PPP1R9A: variants seen among roughly 807,000 people sequenced by gnomAD.
PPP1R9A encodes protein phosphatase 1 regulatory subunit 9A, also known as neurabin-1.
A neutral mutation model predicts 141.9 loss-of-function variants in PPP1R9A; 59 were observed. The observed-to-expected ratio is 0.42, with a 90% CI of 0.34 to 0.52. The LOEUF is 0.52. PPP1R9A is among the 20% of genes least tolerant of loss of function. The pLI, the probability that PPP1R9A is intolerant of heterozygous loss-of-function variation, is 0.10. For synonymous variants in PPP1R9A, 500 were observed against 569.7 expected (o/e 0.88, Z 1.74); for missense variants, 1,444 against 1,611.9 (o/e 0.90, Z 1.78).
chr7:95,082,806 C>CT lies in PPP1R9A; in HGVS notation c.1396-28452dup, dbSNP rs1323253007. 5.8e-4 allele frequency among the ~76,000 whole-genome samples: 74 copies of CT among 127,308 alleles called. 1 individual carries two copies. The highest frequency in any genetic ancestry group is 1.7e-4 in the Non-Finnish European group (11 of 64,426). 83.5% of individuals were successfully genotyped at this position (127,308 alleles called of 152,430 possible). A position where few individuals can be genotyped will look rare whatever the true frequency, so the allele number is the denominator to read the frequency against. Reference sequence around the variant, plus strand: ...TTTTTTTTTGAGACGGAGTCTTGCTCTGTTGCCCAGGCGAACTCGGCTCAC... The same window carrying CT: ...TTTTTTTTTGAGACGGAGTCTTGCTCTTGTTGCCCAGGCGAACTCGGCTCAC... On this transcript the variant is annotated intron_variant, in intron 2 of 19. Transcript: ENST00000433360.
chr7:94,919,337 G>T, intron 2 of PPP1R9A, among the ~76,000 whole-genome samples: 1 of 141,282 alleles, frequency 7.1e-6, no homozygotes, highest in Non-Finnish European at 1.5e-5. Context: ...TAGATTCAGG[G>T]TCTTGCTATA....
chr7:95,215,732 G>A (rs188521986), intron 7 of PPP1R9A, among the ~76,000 whole-genome samples: 1 of 152,292 alleles, frequency 6.6e-6, no homozygotes, highest in South Asian at 2.1e-4. Context: ...GTGATGATGA[G>A]CATTTTTTCA....
At chr7:95,220,864 T>C (rs551267337) in intron 7 of PPP1R9A, among the ~76,000 whole-genome samples, 26 of 152,176 alleles carry the variant, frequency 1.7e-4, no homozygotes, top group African/African-American at 5.8e-4. Flanking sequence ...TTATTCATCT[T>C]GAATCCTTGG....
intron 5 of PPP1R9A, among the ~76,000 whole-genome samples, chr7:95,176,137 G>C (rs1387637361): frequency 6.6e-6 from 1 of 152,036 alleles, no homozygotes; most frequent in Non-Finnish European, 1.5e-5. Flanking sequence ...TATTTTGCTA[G>C]TATCCATGGC....
chr7:95,111,230 A>G (rs765857803), intron 2 of PPP1R9A, 29 bp from the exon 3 acceptor site: 21 of 1,468,450 alleles, frequency 1.4e-5, no homozygotes, highest in Middle Eastern at 1.9e-4. Flanking sequence ...TTTTTTCTGT[A>G]TTATCATCTT....
At chr7:94,950,030 A>T (rs1796304211) in intron 2 of PPP1R9A, among the ~76,000 whole-genome samples, 1 of 151,586 alleles carries the variant, frequency 6.6e-6, no homozygotes, top group Non-Finnish European at 1.5e-5. Flanking sequence ...ATTATGAAGG[A>T]TCCCAAAAAC....
chr7:95,212,840 T>G (rs1044681685), intron 7 of PPP1R9A, among the ~76,000 whole-genome samples: 6 of 152,182 alleles, frequency 3.9e-5, no homozygotes, highest in Admixed American at 3.9e-4. Flanking sequence ...TCCTGATGGT[T>G]TATGGGATTT....
chr7:94,986,782 T>C (rs1173551426), intron 2 of PPP1R9A, among the ~76,000 whole-genome samples: 1 of 152,236 alleles, frequency 6.6e-6, no homozygotes, highest in Non-Finnish European at 1.5e-5. Flanking sequence ...AGAAATAGAT[T>C]TATGATTTTG....
In PPP1R9A at chr7:95,222,039, C is replaced by G. The variant is rs10215400; in HGVS notation, c.1957-3922C>G. On this transcript the variant is annotated intron_variant, in intron 7 of 19. Coordinates refer to ENST00000433360, the MANE Select transcript of PPP1R9A (RefSeq NM_001166160.2). The stretch of plus-strand genomic sequence containing the variant: ...GCAATTAACCCACAAGTACTGCTCC[C>G]GATTCTTTCAAAGGGGAATTCTATA... 6.7e-3 allele frequency among the ~76,000 whole-genome samples: 1,021 copies of G among 152,086 alleles called. 12 individuals are homozygous for G. The highest frequency in any genetic ancestry group is 0.024 in the African/African-American group (984 of 41,518).
chr7:94,991,363 A>G (rs1801486344), intron 2 of PPP1R9A, among the ~76,000 whole-genome samples: 1 of 152,076 alleles, frequency 6.6e-6, no homozygotes, highest in Non-Finnish European at 1.5e-5. Flanking sequence ...GCCCATTTTT[A>G]AATTGGATCA....
At chr7:95,262,633 T>C (rs1040894695) in intron 12 of PPP1R9A, among the ~76,000 whole-genome samples, 1 of 151,138 alleles carries the variant, frequency 6.6e-6, no homozygotes, top group Non-Finnish European at 1.5e-5. Flanking sequence ...AGAACAGGAG[T>C]GTAGGCTGAT....
chr7:95,216,816 T>G (rs912844272), intron 7 of PPP1R9A, among the ~76,000 whole-genome samples: 1 of 152,200 alleles, frequency 6.6e-6, no homozygotes, highest in African/African-American at 2.4e-5. Flanking sequence ...CACATTGGTT[T>G]TGTATCCTGA....
At chr7:95,109,684 A>T (rs530700387) in intron 2 of PPP1R9A, among the ~76,000 whole-genome samples, 19 of 151,940 alleles carry the variant, frequency 1.3e-4, no homozygotes, top group Middle Eastern at 3.4e-3. Flanking sequence ...CTAAAAAAAA[A>T]TTTTTTTTAA....
At chr7:95,256,937 A>G (rs939187479) in intron 12 of PPP1R9A, among the ~76,000 whole-genome samples, 1 of 152,202 alleles carries the variant, frequency 6.6e-6, no homozygotes, top group African/African-American at 2.4e-5. Context: ...AGACTTACAT[A>G]AATTGAAAGA....
intron 2 of PPP1R9A, among the ~76,000 whole-genome samples, chr7:94,935,346 A>T (rs1482245564): frequency 6.6e-6 from 1 of 152,194 alleles, no homozygotes; most frequent in African/African-American, 2.4e-5. Context: ...TGATGACAAC[A>T]TGTGGCCTAT....
At chr7:95,181,792 G>T (rs1833892365) in intron 5 of PPP1R9A, among the ~76,000 whole-genome samples, 1 of 135,326 alleles carries the variant, frequency 7.4e-6, no homozygotes, top group African/African-American at 2.9e-5. Context: ...CATATATATA[G>T]AATATATATA....
At position 94,911,275 on chromosome 7, in the gene PPP1R9A, A is replaced by T; in HGVS notation, c.1162A>T (p.Asn388Tyr). The part of the protein sequence containing the change: ...SCGKEVPEDS[N>Y]NFDGSHVYMH... Reference sequence around the variant, plus strand: ...TGGAAAAGAAGTACCTGAAGATTCAAATAATTTTGATGGTTCCCATGTGTA... The same window carrying T: ...TGGAAAAGAAGTACCTGAAGATTCATATAATTTTGATGGTTCCCATGTGTA... The change falls in exon 2 of 20, where the codon AAT (asparagine) becomes TAT (tyrosine). Residue 388 changes from asparagine (N) to tyrosine (Y), a missense_variant. Physicochemically the swap from Asn to Tyr is moderately radical, Grantham distance 143. Transcript: ENST00000433360. 1 of 1,614,140 alleles carries T rather than the reference A, an allele frequency of 6.2e-7. No homozygotes were observed. The highest frequency in any genetic ancestry group is 8.5e-7 in the Non-Finnish European group (1 of 1,180,004).
At position 94,969,441 on chromosome 7, in the gene PPP1R9A, C is replaced by T. The variant is rs10231473; in HGVS notation, c.1395+57933C>T. ...TGCTGGGGTTTGCTGCAGGTCTACCCCAGAGCCTGTTTGCCTGGGTATTAC... is the reference window on the plus strand; with the variant it reads ...TGCTGGGGTTTGCTGCAGGTCTACCTCAGAGCCTGTTTGCCTGGGTATTAC... On this transcript the variant is annotated intron_variant, in intron 2 of 19. Transcript: ENST00000433360. Among the ~76,000 whole-genome samples the T allele has an allele frequency of 5.8e-3, 890 of 152,198 alleles. 8 individuals carry two copies. Among genetic ancestry groups the T allele is most frequent in the African/African-American group, 0.02 (838 of 41,526 alleles).
chr7:95,076,539 G>T (rs1338964839), intron 2 of PPP1R9A, among the ~76,000 whole-genome samples: 1 of 151,878 alleles, frequency 6.6e-6, no homozygotes, highest in Non-Finnish European at 1.5e-5. Flanking sequence ...AACAATTATT[G>T]TATGTTTACA....
Sources: gnomAD v4.1 joint callset for allele counts (sites outside exome capture counted in the v4.1 genomes callset) on GRCh38, gnomAD v4.1.1 for gene constraint, MANE v1.5 for transcripts, NCBI Gene and HGNC (gene_info 2026-07-23, HGNC 2026-07-21) for gene names.